Variants in GRID2 observed in about 807,000 individuals in gnomAD.
The protein encoded by GRID2 is glutamate receptor ionotropic, delta-2.
GRID2 carries 33 observed loss-of-function variants against 114.8 expected under a neutral mutation model. The ratio of observed to expected loss-of-function variants is 0.29; its 90% CI spans 0.22 to 0.38. GRID2 has a LOEUF of 0.38. Ranked by LOEUF, GRID2 falls within the 10% of genes least tolerant of loss-of-function variation. The pLI is 1.00. For missense variants in GRID2, 1,184 were observed against 1,257.7 expected (o/e 0.94, Z 0.89); for synonymous variants, 505 against 449.9 (o/e 1.12, Z -1.55).
chr4:92,938,405 A>G (rs1750827975), intron 2 of GRID2, among the ~76,000 whole-genome samples: 1 of 146,486 alleles, frequency 6.8e-6, no homozygotes, highest in Non-Finnish European at 1.5e-5. Context: ...GTCAATTGAA[A>G]TTCCCTGATA....
Position 92,655,620 on chromosome 4 carries a change from C to CT in GRID2, c.244+65343dup, listed in dbSNP as rs894557457. Among the ~76,000 whole-genome samples the CT allele has an allele frequency of 2.7e-4, 40 of 149,916 alleles. 1 individual carries two copies. Among genetic ancestry groups the CT allele is most frequent in the Admixed American group, 1.2e-3 (18 of 15,004 alleles). ...TTGGTTAAATTCATTTCTAAGTATTCTTTTTTTTTGTAGCCACTCTAAATG... is the reference window on the plus strand; with the variant it reads ...TTGGTTAAATTCATTTCTAAGTATTCTTTTTTTTTTGTAGCCACTCTAAATG... On this transcript the variant is annotated intron_variant, in intron 2 of 15. Transcript: ENST00000282020.
At chr4:92,728,069 C>A (rs1485719986) in intron 2 of GRID2, among the ~76,000 whole-genome samples, 1 of 151,852 alleles carries the variant, frequency 6.6e-6, no homozygotes, top group Non-Finnish European at 1.5e-5. Flanking sequence ...GTGGTGAGAC[C>A]AGGAAGACAA....
intron 2 of GRID2, among the ~76,000 whole-genome samples, chr4:92,981,773 A>G (rs1020157941): frequency 6.6e-6 from 1 of 151,970 alleles, no homozygotes; most frequent in African/African-American, 2.4e-5. Context: ...CTCTAAAAAC[A>G]CAGCTAATCA....
chr4:92,935,019 A>G (rs375989544), intron 2 of GRID2, among the ~76,000 whole-genome samples: 2,417 of 146,676 alleles, frequency 0.016, 227 homozygotes, highest in East Asian at 0.069. Flanking sequence ...AATGGCAACA[A>G]AAGCCAAAAT....
intron 2 of GRID2, among the ~76,000 whole-genome samples, chr4:92,646,243 A>G (rs1288839074): frequency 1.3e-5 from 2 of 152,180 alleles, no homozygotes; most frequent in African/African-American, 2.4e-5. Context: ...CTTCTTTTAT[A>G]AAGTGCCTGT....
In GRID2 at chr4:92,652,697, G is replaced by A. The variant is rs796820808; in HGVS notation, c.244+62411G>A. On this transcript the variant is annotated intron_variant, in intron 2 of 15. Transcript: ENST00000282020. ...TAAAAATATGTAATTTTGGCCGGGC[G>A]CGGTGGCTCACTCCTGTAATCCCAG... Among the ~76,000 whole-genome samples, 18 of 137,016 alleles carry A rather than the reference G, an allele frequency of 1.3e-4. 1 individual carries two copies. Among genetic ancestry groups the A allele is most frequent in the African/African-American group, 4.2e-4 (16 of 37,802 alleles). The allele number at this position is 137,016 out of a possible 152,430, so 89.9% of individuals were successfully genotyped here.
chr4:92,364,249 A>G (rs1469960330), intron 1 of GRID2, among the ~76,000 whole-genome samples: 2 of 152,212 alleles, frequency 1.3e-5, no homozygotes, highest in African/African-American at 2.4e-5. Flanking sequence ...TGCTAAATGT[A>G]TGTTTAAAAG....
intron 2 of GRID2, among the ~76,000 whole-genome samples, chr4:93,018,643 T>G (rs1253254196): frequency 6.6e-6 from 1 of 151,668 alleles, no homozygotes; most frequent in African/African-American, 2.4e-5. Flanking sequence ...ATTGAGTATA[T>G]CAATTTCAAA....
At chr4:92,368,910 TA>T (rs1728991907) in intron 1 of GRID2, among the ~76,000 whole-genome samples, 1 of 149,748 alleles carries the variant, frequency 6.7e-6, no homozygotes, top group Admixed American at 6.7e-5. Context: ...ATGCTGGTTT[TA>T]AAGGCATGTT....
intron 11 of GRID2, among the ~76,000 whole-genome samples, chr4:93,456,670 T>C (rs2149413393): frequency 6.6e-6 from 1 of 152,292 alleles, no homozygotes; most frequent in Admixed American, 6.5e-5. Context: ...GAGAATGAAA[T>C]AGTAAGAAAA....
At chr4:93,238,911 G>C (rs994971128) in intron 8 of GRID2, among the ~76,000 whole-genome samples, 1 of 151,278 alleles carries the variant, frequency 6.6e-6, no homozygotes. Flanking sequence ...TGACATTACA[G>C]TATTTTACCT....
chr4:93,300,513 C>T (rs563176748), intron 8 of GRID2, among the ~76,000 whole-genome samples: 6 of 152,258 alleles, frequency 3.9e-5, no homozygotes, highest in African/African-American at 1.4e-4. Context: ...AGGTACAGCA[C>T]TTTTACCCAT....
rs1277645964 is a variant in GRID2, at chr4:93,137,341, A to T, written c.735+26388A>T. 2.6e-5 allele frequency among the ~76,000 whole-genome samples: 4 copies of T among 152,214 alleles called. No individual in the cohort carries two copies. In the East Asian group the frequency reaches 7.7e-4, roughly 29 times the overall value. On this transcript the variant is annotated intron_variant, in intron 4 of 15. Coordinates refer to ENST00000282020, the MANE Select transcript of GRID2 (RefSeq NM_001510.4). ...AATTTTTATAGGCATTATTATGATTACTATGCAGGATGATGCCTTGCCCTT... is the reference window on the plus strand; with the variant it reads ...AATTTTTATAGGCATTATTATGATTTCTATGCAGGATGATGCCTTGCCCTT...
intron 2 of GRID2, among the ~76,000 whole-genome samples, chr4:92,954,941 G>A (rs1458025995): frequency 1.5e-5 from 2 of 129,098 alleles, no homozygotes; most frequent in East Asian, 2.2e-4. Flanking sequence ...CAAAGGAGAT[G>A]AACTCATCAT....
chr4:92,375,768 T>G (rs1011557452), intron 1 of GRID2, among the ~76,000 whole-genome samples: 1 of 152,162 alleles, frequency 6.6e-6, no homozygotes, highest in Non-Finnish European at 1.5e-5. Context: ...TGGACTTTGT[T>G]GGAAATCCAA....
chr4:92,453,297 G>A (rs1268721703), intron 1 of GRID2, among the ~76,000 whole-genome samples: 2 of 152,032 alleles, frequency 1.3e-5, no homozygotes, highest in Non-Finnish European at 2.9e-5. Context: ...AAATATTTTG[G>A]CCAGGCCAAC....
At chr4:93,099,511 T>TTTGTC (rs1335719635) in intron 3 of GRID2, among the ~76,000 whole-genome samples, 3 of 151,850 alleles carry the variant, frequency 2.0e-5, no homozygotes, top group African/African-American at 7.2e-5. Flanking sequence ...TAGATATGCA[T>TTTGTC]AATAAGTATT....
At chr4:92,662,273 C>T (rs751035453) in intron 2 of GRID2, among the ~76,000 whole-genome samples, 5 of 150,866 alleles carry the variant, frequency 3.3e-5, no homozygotes, top group East Asian at 1.9e-4. Flanking sequence ...TTGCTATTAA[C>T]GGGCCTCTAA....
intron 14 of GRID2, among the ~76,000 whole-genome samples, chr4:93,686,542 T>C (rs1486024131): frequency 6.6e-6 from 1 of 151,478 alleles, no homozygotes; most frequent in African/African-American, 2.4e-5. Context: ...CAGTGGTAAA[T>C]TATATAACAT....
Sources: allele counts gnomAD v4.1 joint callset (sites outside exome capture counted in the v4.1 genomes callset), GRCh38; gene constraint gnomAD v4.1.1; transcripts MANE v1.5; gene names NCBI Gene and HGNC (gene_info 2026-07-23, HGNC 2026-07-21).